NRCAM: variants seen among roughly 807,000 people sequenced by gnomAD.
NRCAM encodes the protein NgCAM-related cell adhesion molecule.
NRCAM carries 83 observed loss-of-function variants against 156.5 expected under a neutral mutation model. The observed-to-expected ratio is 0.53, with a 90% CI of 0.44 to 0.64. The LOEUF (loss-of-function observed/expected upper bound fraction) is 0.64, where lower values mean the gene tolerates loss of function less well. Among genes scored for constraint, NRCAM ranks in the 30% least tolerant of loss-of-function variants. NRCAM has a pLI of 0.00. For missense variants in NRCAM, 1,417 were observed against 1,597.3 expected (o/e 0.89, Z 1.92); for synonymous variants, 538 against 563.9 (o/e 0.95, Z 0.65).
chr7:108,184,130 T>TA, intron 22 of NRCAM, 111 bp downstream of exon 22: 3 of 544,268 alleles, frequency 5.5e-6, no homozygotes, highest in South Asian at 3.0e-5. Context: ...ATATATATAT[T>TA]TTTTTTCCCC....
intron 2 of NRCAM, among the ~76,000 whole-genome samples, chr7:108,334,768 C>G (rs1339834264): frequency 6.6e-6 from 1 of 152,094 alleles, no homozygotes; most frequent in African/African-American, 2.4e-5. Flanking sequence ...AAACATCACC[C>G]TCCCACTTGA....
intron 3 of NRCAM, among the ~76,000 whole-genome samples, chr7:108,261,512 C>T (rs2096887296): frequency 6.6e-6 from 1 of 152,152 alleles, no homozygotes; most frequent in South Asian, 2.1e-4. Context: ...TTGGTTTTAT[C>T]TCCATGAATC....
chr7:108,223,744 C>G lies in NRCAM; in HGVS notation c.871G>C (p.Glu291Gln). The change falls in exon 11 of 33, where the codon GAG (glutamate) becomes CAG (glutamine). Residue 291 changes from glutamate (E) to glutamine (Q), a missense_variant. By Grantham distance (29) the Glu-to-Gln change is conservative. Transcript: ENST00000379028. ...ACTCACAGTCCTTCTGCAATGCACT[C>G]CAGTGAAAGCACATTTCCTCTTAAT... ...EELRGNVLSL[E>Q]CIAEGLPTPI... 6.3e-7 allele frequency: 1 copy of G among 1,581,396 alleles called. No homozygotes were observed. The highest frequency in any genetic ancestry group is 8.7e-7 in the Non-Finnish European group (1 of 1,150,500).
At chr7:108,340,193 G>A (rs1563335678) in intron 2 of NRCAM, among the ~76,000 whole-genome samples, 4 of 152,058 alleles carry the variant, frequency 2.6e-5, no homozygotes, top group Non-Finnish European at 5.9e-5. Context: ...AACCCAAATG[G>A]TCCAAAAGGA....
chr7:108,439,597 G>C (rs1836192855), intron 1 of NRCAM, among the ~76,000 whole-genome samples: 1 of 152,118 alleles, frequency 6.6e-6, no homozygotes, highest in Non-Finnish European at 1.5e-5. Context: ...GCTTACGCCT[G>C]TAATCTCAGC....
At chr7:108,438,746 G>A (rs931137400) in intron 1 of NRCAM, among the ~76,000 whole-genome samples, 2 of 152,048 alleles carry the variant, frequency 1.3e-5, no homozygotes, top group African/African-American at 4.8e-5. Context: ...GAAATCCTGA[G>A]AAATCCATTT....
intron 2 of NRCAM, among the ~76,000 whole-genome samples, chr7:108,313,767 G>A (rs2098838239): frequency 6.6e-6 from 1 of 151,852 alleles, no homozygotes; most frequent in African/African-American, 2.4e-5. Context: ...CTTAGAATTG[G>A]AACCAATTTT....
chr7:108,239,907 G>A, intron 4 of NRCAM, 52 bp downstream of exon 4: 1 of 1,092,712 alleles, frequency 9.2e-7, no homozygotes, highest in Non-Finnish European at 1.4e-6. Context: ...GATGATAAAT[G>A]CTGGGAGGCT....
intron 3 of NRCAM, among the ~76,000 whole-genome samples, chr7:108,241,387 G>A (rs1349858928): frequency 2.0e-5 from 3 of 152,184 alleles, no homozygotes; most frequent in African/African-American, 7.2e-5. Context: ...TACCTGAAAT[G>A]ATAGGTTTAA....
chr7:108,298,846 G>C (rs1592244847), intron 3 of NRCAM, among the ~76,000 whole-genome samples: 1 of 150,942 alleles, frequency 6.6e-6, no homozygotes, highest in Admixed American at 6.6e-5. Flanking sequence ...AGTGGCTCAT[G>C]CCTAATCCCA....
At chr7:108,304,941 C>A (rs971552207) in intron 3 of NRCAM, among the ~76,000 whole-genome samples, 4 of 152,130 alleles carry the variant, frequency 2.6e-5, no homozygotes, top group Non-Finnish European at 5.9e-5. Flanking sequence ...TTGAAATCTA[C>A]CTCCTTGCTG....
At chr7:108,189,503 A>C (rs1157189209) in intron 20 of NRCAM, 142 bp downstream of exon 20, 2 of 599,618 alleles carry the variant, frequency 3.3e-6, no homozygotes, top group Admixed American at 3.4e-5. Context: ...GAGGAAGGAC[A>C]TAAATAAATA....
At chr7:108,393,530 C>G (rs2099767968) in intron 2 of NRCAM, among the ~76,000 whole-genome samples, 1 of 152,166 alleles carries the variant, frequency 6.6e-6, no homozygotes, top group East Asian at 1.9e-4. Flanking sequence ...CCTTGCGCTT[C>G]CCAGGTGAGG....
intron 20 of NRCAM, among the ~76,000 whole-genome samples, chr7:108,186,914 T>C (rs752059702): frequency 6.6e-6 from 1 of 152,230 alleles, no homozygotes; most frequent in Non-Finnish European, 1.5e-5. Flanking sequence ...TATAACATTA[T>C]CACAAAATGA....
chr7:108,411,379 T>G (rs1795140465), intron 1 of NRCAM, among the ~76,000 whole-genome samples: 1 of 152,146 alleles, frequency 6.6e-6, no homozygotes, highest in Admixed American at 6.5e-5. Context: ...TCCCTGAATG[T>G]CTCTATCATT....
intron 3 of NRCAM, among the ~76,000 whole-genome samples, chr7:108,298,789 T>G (rs2098508740): frequency 1.3e-5 from 2 of 151,802 alleles, no homozygotes; most frequent in African/African-American, 2.4e-5. Context: ...TCAAGACTAT[T>G]TATCTTCCAG....
At chr7:108,450,257 C>CTT (rs11316439) in intron 1 of NRCAM, among the ~76,000 whole-genome samples, 1,843 of 145,008 alleles carry the variant, frequency 0.013, 20 homozygotes, top group Non-Finnish European at 0.02. Flanking sequence ...TTACCACTGG[C>CTT]TTTTTTTTTT....
intron 2 of NRCAM, among the ~76,000 whole-genome samples, chr7:108,365,847 CTTT>C (rs2099588494): frequency 6.6e-6 from 1 of 151,952 alleles, no homozygotes; most frequent in African/African-American, 2.4e-5. Flanking sequence ...CCAAATTGTG[CTTT>C]TTATTATTGG....
chr7:108,387,932 C>A (rs972144804), intron 2 of NRCAM, among the ~76,000 whole-genome samples: 18 of 152,258 alleles, frequency 1.2e-4, no homozygotes, highest in African/African-American at 3.9e-4. Context: ...TGTATATGTG[C>A]CACATTTTCT....
Sources: allele counts gnomAD v4.1 joint callset (sites outside exome capture counted in the v4.1 genomes callset), GRCh38; gene constraint gnomAD v4.1.1; transcripts MANE v1.5; gene names NCBI Gene and HGNC (gene_info 2026-07-23, HGNC 2026-07-21).